The following CUX2 variants were observed in gnomAD, a reference collection of about 807,000 sequenced individuals.
The protein encoded by CUX2 is homeobox protein cut-like 2.
In CUX2, 40 loss-of-function variants were observed where a neutral mutation model predicts 144.8. The ratio of observed to expected loss-of-function variants is 0.28; its 90% CI spans 0.21 to 0.36. The LOEUF is 0.36. Among genes scored for constraint, CUX2 ranks in the 10% least tolerant of loss-of-function variants. The pLI is 1.00. For synonymous variants in CUX2, 827 were observed against 875.6 expected (o/e 0.94, Z 0.98); for missense variants, 1,615 against 1,994.0 (o/e 0.81, Z 3.62).
intron 1 of CUX2, among the ~76,000 whole-genome samples, chr12:111,212,035 G>A (rs1429977922): frequency 2.6e-5 from 4 of 152,178 alleles, no homozygotes; most frequent in Non-Finnish European, 5.9e-5. Flanking sequence ...CTGGGAGTAC[G>A]CTGCTGCAAC....
chr12:111,299,788 G>A (rs921317215), intron 9 of CUX2, among the ~76,000 whole-genome samples: 3 of 152,130 alleles, frequency 2.0e-5, no homozygotes, highest in Non-Finnish European at 2.9e-5. Flanking sequence ...GCTCTCCTCC[G>A]AGTTCTCCTC....
At chr12:111,126,048 G>C (rs943888805) in intron 1 of CUX2, among the ~76,000 whole-genome samples, 2 of 148,700 alleles carry the variant, frequency 1.3e-5, no homozygotes, top group African/African-American at 2.6e-5. Context: ...GTGGCGTGGG[G>C]GGGGCGGATT....
intron 1 of CUX2, among the ~76,000 whole-genome samples, chr12:111,098,460 C>A (rs1184526960): frequency 1.3e-5 from 2 of 151,918 alleles, no homozygotes; most frequent in Admixed American, 1.3e-4. Context: ...CAGTCATCGG[C>A]CTTGGCACCG....
chr12:111,123,957 T>G (rs1179916944), intron 1 of CUX2, among the ~76,000 whole-genome samples: 1 of 152,190 alleles, frequency 6.6e-6, no homozygotes, highest in African/African-American at 2.4e-5. Flanking sequence ...TGAACCCAGG[T>G]CTTCTGGCTC....
At chr12:111,046,333 T>G (rs1028502179) in intron 1 of CUX2, among the ~76,000 whole-genome samples, 6 of 152,258 alleles carry the variant, frequency 3.9e-5, no homozygotes, top group Non-Finnish European at 8.8e-5. Flanking sequence ...GCACTCTTAC[T>G]GCCATGCAAG....
At chr12:111,182,999 C>T (rs1267244293) in intron 1 of CUX2, among the ~76,000 whole-genome samples, 2 of 152,174 alleles carry the variant, frequency 1.3e-5, no homozygotes, top group Non-Finnish European at 2.9e-5. Flanking sequence ...CTTCAATCTG[C>T]CCGGGTACCT....
chr12:111,326,809 C>T (rs972538546), intron 18 of CUX2, among the ~76,000 whole-genome samples: 1 of 152,016 alleles, frequency 6.6e-6, no homozygotes, highest in Non-Finnish European at 1.5e-5. Flanking sequence ...GAGGCTAAGG[C>T]GAGAGGATCG....
At chr12:111,239,606 C>T (rs78944595) in intron 3 of CUX2, among the ~76,000 whole-genome samples, 6,523 of 152,266 alleles carry the variant, frequency 0.043, 489 homozygotes, top group African/African-American at 0.15. Context: ...AGTTTATCAT[C>T]GAAAATGGCC....
At chr12:111,049,535 G>A (rs1490588798) in intron 1 of CUX2, among the ~76,000 whole-genome samples, 2 of 152,262 alleles carry the variant, frequency 1.3e-5, no homozygotes, top group Non-Finnish European at 1.5e-5. Flanking sequence ...GAGCTGTGGG[G>A]AACAAGAGGG....
rs1888938924 is a variant in CUX2, at chr12:111,348,935, T to C, written c.*610T>C. Reference sequence around the variant, plus strand: ...GCTACTGCCCTTCCAGAAACTGTGCTAAAAAGAGAAAGTCCAAAAGACTCT... The same window carrying C: ...GCTACTGCCCTTCCAGAAACTGTGCCAAAAAGAGAAAGTCCAAAAGACTCT... On this transcript the variant is annotated 3_prime_UTR_variant, in exon 22 of 22. Coordinates refer to ENST00000261726, the MANE Select transcript of CUX2 (RefSeq NM_015267.4). 1 of 152,646 alleles carries C rather than the reference T, an allele frequency of 6.6e-6. No homozygotes were observed. The allele number at this position is 152,646 out of a possible 1,614,324, so 9.5% of individuals were successfully genotyped here.
intron 1 of CUX2, among the ~76,000 whole-genome samples, chr12:111,155,312 G>GA (rs1239537624): frequency 1.3e-5 from 2 of 151,446 alleles, no homozygotes; most frequent in East Asian, 3.9e-4. Flanking sequence ...TGAATGAATG[G>GA]AAAAAAAGAG....
chr12:111,238,850 G>C (rs1882886490), intron 3 of CUX2, among the ~76,000 whole-genome samples: 1 of 152,140 alleles, frequency 6.6e-6, no homozygotes, highest in African/African-American at 2.4e-5. Flanking sequence ...TTTGCAACCA[G>C]CCTGGCCAAT....
intron 1 of CUX2, among the ~76,000 whole-genome samples, chr12:111,167,693 TG>T (rs1306090346): frequency 0.017 from 2,480 of 150,208 alleles, 59 homozygotes; most frequent in African/African-American, 0.055. Context: ...TTTGTTTGTT[TG>T]TTTGTTTGTT....
At chr12:111,151,798 G>A (rs1055097161) in intron 1 of CUX2, among the ~76,000 whole-genome samples, 5 of 152,124 alleles carry the variant, frequency 3.3e-5, no homozygotes, top group African/African-American at 1.2e-4. Context: ...GGCCATCACA[G>A]TCTGATGGTT....
At chr12:111,318,238 C>CTTTTTTTTTTTTTTTT (rs955839240) in intron 16 of CUX2, among the ~76,000 whole-genome samples, 1 of 109,652 alleles carries the variant, frequency 9.1e-6, no homozygotes, top group African/African-American at 4.8e-5. Flanking sequence ...ATTTTTTTTT[C>CTTTTTTTTTTTTTTTT]TTTTTTCTTT....
At chr12:111,296,611 C>G (rs1245812252) in intron 8 of CUX2, 72 bp downstream of exon 8, 2 of 1,385,390 alleles carry the variant, frequency 1.4e-6, no homozygotes, top group Non-Finnish European at 1.0e-6. Flanking sequence ...TTCTGACCCT[C>G]CAGTACTTGC....
At chr12:111,118,926 CA>C (rs886284829) in intron 1 of CUX2, among the ~76,000 whole-genome samples, 1 of 151,958 alleles carries the variant, frequency 6.6e-6, no homozygotes, top group Non-Finnish European at 1.5e-5. Flanking sequence ...ACTCAGTGTG[CA>C]AAAAAACATG....
intron 1 of CUX2, among the ~76,000 whole-genome samples, chr12:111,205,532 A>G (rs547872476): frequency 6.6e-6 from 1 of 152,310 alleles, no homozygotes; most frequent in South Asian, 2.1e-4. Context: ...GATAGCTGTG[A>G]ACAAGAACTG....
chr12:111,260,347 C>G (rs982682897), intron 3 of CUX2, among the ~76,000 whole-genome samples: 56 of 151,750 alleles, frequency 3.7e-4, no homozygotes, highest in African/African-American at 1.4e-3. Context: ...GCCTGTAATC[C>G]CAGCTACTCG....
Sources: gnomAD v4.1 joint callset for allele counts (sites outside exome capture counted in the v4.1 genomes callset) on GRCh38, gnomAD v4.1.1 for gene constraint, MANE v1.5 for transcripts, NCBI Gene and HGNC (gene_info 2026-07-23, HGNC 2026-07-21) for gene names.